SELPLG: variants seen among roughly 807,000 people sequenced by gnomAD.
SELPLG encodes P-selectin glycoprotein ligand 1.
Under a neutral mutation model 1.1 loss-of-function variants are expected in SELPLG, and 2 were observed. That is an observed-to-expected ratio of 1.82 (90% CI 0.74 to 5.71). The LOEUF is 5.71. Ranked by LOEUF, SELPLG falls within the 30% of genes most tolerant of loss-of-function variation. The pLI, the probability that SELPLG is intolerant of heterozygous loss-of-function variation, is 0.05. For missense variants in SELPLG, 478 were observed against 524.7 expected (o/e 0.91, Z 0.87); for synonymous variants, 230 against 221.2 (o/e 1.04, Z -0.35).
Position 108,632,241 on chromosome 12 carries a change from C to T in SELPLG, c.-6+1499G>A, listed in dbSNP as rs904797524. 4.6e-5 allele frequency among the ~76,000 whole-genome samples: 7 copies of T among 152,318 alleles called. 1 individual carries two copies. Among genetic ancestry groups the T allele is most frequent in the Middle Eastern group, 3.4e-3 (1 of 294 alleles). On this transcript the variant is annotated intron_variant, in intron 1 of 1. Transcript: ENST00000550948. ...AAGAGACTCTGGGGCTGTCTGAGGGCCTGGGAGCCACCTTCTGAGGCCCCG... is the reference window on the plus strand; with the variant it reads ...AAGAGACTCTGGGGCTGTCTGAGGGTCTGGGAGCCACCTTCTGAGGCCCCG...
rs981700549 is a variant in SELPLG, at chr12:108,624,188, C to G, written c.120G>C (p.Arg40=). 1 of 1,614,152 alleles carries G rather than the reference C, an allele frequency of 6.2e-7. No homozygotes were observed. Among genetic ancestry groups the G allele is most frequent in the African/African-American group, 1.3e-5 (1 of 75,040 alleles). The change falls in exon 2 of 2, where the codon CGG becomes CGC. Residue 40 remains arginine (R), a synonymous_variant. Coordinates refer to ENST00000550948, the MANE Select transcript of SELPLG (RefSeq NM_003006.4). The part of the protein sequence containing the change: ...KALGPLLARD[R]RQATEYEYLD... ...GGTACTCATATTCGGTGGCCTGTCTCCGGTCCCGGGCAAGCAGGGGACCCA... is the reference window on the plus strand; with the variant it reads ...GGTACTCATATTCGGTGGCCTGTCTGCGGTCCCGGGCAAGCAGGGGACCCA...
chr12:108,623,892 G>T lies in SELPLG; in HGVS notation c.416C>A (p.Thr139Lys). 1 of 1,067,066 alleles carries T rather than the reference G, an allele frequency of 9.4e-7. No homozygotes were observed. The highest frequency in any genetic ancestry group is 6.0e-5 in the East Asian group (1 of 16,644). The allele number at this position is 1,067,066 out of a possible 1,614,324, so 66.1% of individuals were successfully genotyped here. The change falls in exon 2 of 2, where the codon ACG becomes AAG. Residue 139 changes from threonine (T) to lysine (K), a missense_variant. Thr to Lys is a moderately conservative substitution (Grantham distance 78). Transcript: ENST00000550948. Reference sequence around the variant, plus strand: ...TGCCAGTGGAGTGGTCTGTGCCTCCGTGGGCACTGGTTGAGTGGTCTGTGC... The same window carrying T: ...TGCCAGTGGAGTGGTCTGTGCCTCCTTGGGCACTGGTTGAGTGGTCTGTGC... ...TEAQTTQPVP[T>K]EAQTTPLAAT...
In SELPLG at chr12:108,623,433, G is replaced by T. The variant is rs752291730; in HGVS notation, c.875C>A (p.Thr292Asn). ...GGCTGCCATGGGAATGCCCTTGTGAGTAACAGAGGACACAGAAAAGGGTAT... is the reference window on the plus strand; with the variant it reads ...GGCTGCCATGGGAATGCCCTTGTGATTAACAGAGGACACAGAAAAGGGTAT... ...LFIPFSVSSVTHKGIPMAASN... is the reference protein window; with the variant it reads ...LFIPFSVSSVNHKGIPMAASN... The change falls in exon 2 of 2, where the codon ACT (threonine) becomes AAT (asparagine). Residue 292 changes from threonine (T) to asparagine (N), a missense_variant. Physicochemically the swap from Thr to Asn is moderately conservative, Grantham distance 65 (BLOSUM62 0). Transcript: ENST00000550948. The T allele has an allele frequency of 1.3e-5, 21 of 1,614,276 alleles. No individual in the cohort carries two copies. The highest frequency in any genetic ancestry group is 1.8e-5 in the Non-Finnish European group (21 of 1,180,050).
intron 1 of SELPLG, among the ~76,000 whole-genome samples, chr12:108,632,593 C>T (rs543741294): frequency 2.7e-4 from 41 of 151,950 alleles, no homozygotes; most frequent in Admixed American, 6.5e-4. Flanking sequence ...CGGCTTACTG[C>T]GACCTCCCCC....
At chr12:108,633,213 G>A (rs757882945) in intron 1 of SELPLG, among the ~76,000 whole-genome samples, 8 of 152,198 alleles carry the variant, frequency 5.3e-5, no homozygotes, top group Non-Finnish European at 1.2e-4. Context: ...AGGGAAGTAA[G>A]TTAATGGGAG....
intron 1 of SELPLG, among the ~76,000 whole-genome samples, chr12:108,627,717 C>A (rs2031961445): frequency 6.6e-6 from 1 of 152,184 alleles, no homozygotes; most frequent in Non-Finnish European, 1.5e-5. Flanking sequence ...GCAGGCAGAT[C>A]ACTTGAGCCC....
chr12:108,622,922 T>G lies in SELPLG; in HGVS notation c.*147A>C, dbSNP rs1592816734. 1.2e-6 allele frequency: 1 copy of G among 804,364 alleles called. No individual in the cohort carries two copies. Among genetic ancestry groups the G allele is most frequent in the Non-Finnish European group, 1.8e-6 (1 of 541,150 alleles). 49.8% of individuals were successfully genotyped at this position (804,364 alleles called of 1,614,324 possible). A position where few individuals can be genotyped will look rare whatever the true frequency, so the allele number is the denominator to read the frequency against. Reference sequence around the variant, plus strand: ...GGCCCCAGGCTGCTCTTGTCCTGTTTGGGTGGCCAGAGTTCCTTCCCTGAA... The same window carrying G: ...GGCCCCAGGCTGCTCTTGTCCTGTTGGGGTGGCCAGAGTTCCTTCCCTGAA... On this transcript the variant is annotated 3_prime_UTR_variant, in exon 2 of 2. Transcript: ENST00000550948.
chr12:108,629,089 T>C (rs527869332), intron 1 of SELPLG, among the ~76,000 whole-genome samples: 7 of 152,198 alleles, frequency 4.6e-5, no homozygotes, highest in Non-Finnish European at 1.0e-4. Context: ...TCAGAGGGTA[T>C]GGAGATGGCG....
chr12:108,622,040 C>T lies in SELPLG; in HGVS notation c.*1029G>A, dbSNP rs1027199117. On this transcript the variant is annotated 3_prime_UTR_variant, in exon 2 of 2. Transcript: ENST00000550948. ...CACTGGTGGGGAAGGGGCAGCCCTC[C>T]CTTTGGCCCCCCATAGCCTGAACTT... Among the ~76,000 whole-genome samples, 19 of 152,178 alleles carry T rather than the reference C, an allele frequency of 1.2e-4. No individual in the cohort carries two copies. The highest frequency in any genetic ancestry group is 1.5e-5 in the Non-Finnish European group (1 of 68,016).
chr12:108,630,697 G>A (rs563955382), intron 1 of SELPLG, among the ~76,000 whole-genome samples: 3 of 152,278 alleles, frequency 2.0e-5, no homozygotes, highest in African/African-American at 4.8e-5. Flanking sequence ...GGTAGCACCC[G>A]CTTTTTATGG....
rs148712052 is a variant in SELPLG at position 108,623,563 on chromosome 12, T to C, written c.745A>G (p.Thr249Ala). 5 of 1,613,670 alleles carry C rather than the reference T, an allele frequency of 3.1e-6. No homozygotes were observed. The African/African-American group carries it at 6.7e-5, about 22-fold the overall frequency. Reference sequence around the variant, plus strand: ...GCCAGTGGAGTGGTCTGTGCCTCCGTGGCTGTGGGTTGAGTGGTCTGTGCC... The same window carrying C: ...GCCAGTGGAGTGGTCTGTGCCTCCGCGGCTGTGGGTTGAGTGGTCTGTGCC... ...TEAQTTQPTATEAQTTPLAAM... is the reference protein window; with the variant it reads ...TEAQTTQPTAAEAQTTPLAAM... The change falls in exon 2 of 2, where the codon ACG becomes GCG. Residue 249 changes from threonine to alanine, a missense_variant. Thr to Ala is a moderately conservative substitution (Grantham distance 58). Transcript: ENST00000550948.
At position 108,622,360 on chromosome 12, in the gene SELPLG, G is replaced by A. The variant is rs1298750052; in HGVS notation, c.*709C>T. ...CAAGACAGAGTCCACCCTGGAAAGT[G>A]GCCACAGGGGAAGGCAAGAGGCGAT... On this transcript the variant is annotated 3_prime_UTR_variant, in exon 2 of 2. Transcript: ENST00000550948. The A allele has an allele frequency of 2.0e-5, 3 of 151,828 alleles. No homozygotes were observed. The highest frequency in any genetic ancestry group is 7.3e-5 in the African/African-American group (3 of 40,896). 9.4% of individuals were successfully genotyped at this position (151,828 alleles called of 1,614,324 possible).
At chr12:108,624,839 A>C (rs2031908208) in intron 1 of SELPLG, among the ~76,000 whole-genome samples, 1 of 151,864 alleles carries the variant, frequency 6.6e-6, no homozygotes, top group Non-Finnish European at 1.5e-5. Flanking sequence ...ACAGGCATGC[A>C]CAACCACACC....
At chr12:108,626,691 C>T (rs540254884) in intron 1 of SELPLG, among the ~76,000 whole-genome samples, 2 of 150,396 alleles carry the variant, frequency 1.3e-5, no homozygotes, top group Non-Finnish European at 3.0e-5. Context: ...TTTGTAGAGA[C>T]GGGGTCTTGC....
intron 1 of SELPLG, among the ~76,000 whole-genome samples, chr12:108,632,572 T>C (rs1403463558): frequency 2.0e-5 from 3 of 151,982 alleles, no homozygotes; most frequent in Non-Finnish European, 4.4e-5. Flanking sequence ...TGGAGTGCAG[T>C]GGCACAATCT....
intron 1 of SELPLG, among the ~76,000 whole-genome samples, chr12:108,625,622 T>C (rs2031923669): frequency 6.6e-6 from 1 of 152,228 alleles, no homozygotes; most frequent in African/African-American, 2.4e-5. Flanking sequence ...AGTGTGCCTG[T>C]GGGTAGGACC....
intron 1 of SELPLG, among the ~76,000 whole-genome samples, chr12:108,633,386 A>G (rs1434835445): frequency 6.6e-6 from 1 of 152,210 alleles, no homozygotes; most frequent in African/African-American, 2.4e-5. Context: ...CTGTAGTCCC[A>G]GCTACTCAGG....
rs8179161 is a variant in SELPLG, at chr12:108,625,401, T to C, written c.-5-1089A>G. On this transcript the variant is annotated intron_variant, in intron 1 of 1. Transcript: ENST00000550948. ...TGACGGTGCCTACTTCACAGCCTATTGTGAGGATAAAATGAAGGGATGCAT... is the reference window on the plus strand; with the variant it reads ...TGACGGTGCCTACTTCACAGCCTATCGTGAGGATAAAATGAAGGGATGCAT... Among the ~76,000 whole-genome samples the C allele has an allele frequency of 5.0e-3, 758 of 151,960 alleles. 1 individual carries two copies. Among genetic ancestry groups the C allele is most frequent in the Non-Finnish European group, 7.6e-3 (517 of 68,030 alleles).
At chr12:108,631,991 GC>G in intron 1 of SELPLG, 1 of 1,451,526 alleles carries the variant, frequency 6.9e-7, no homozygotes, top group Non-Finnish European at 9.3e-7. Flanking sequence ...AAGCCATGCC[GC>G]CAGAGGCAGC....
Sources: gnomAD v4.1 joint callset for allele counts (sites outside exome capture counted in the v4.1 genomes callset) on GRCh38, gnomAD v4.1.1 for gene constraint, MANE v1.5 for transcripts, NCBI Gene and HGNC (gene_info 2026-07-23, HGNC 2026-07-21) for gene names.